CCDC18: variants seen among roughly 807,000 people sequenced by gnomAD.
The protein encoded by CCDC18 is coiled-coil domain containing 18.
CCDC18 carries 157 observed loss-of-function variants against 196.0 expected under a neutral mutation model. That is an observed-to-expected ratio of 0.80 (90% confidence interval 0.70 to 0.91). The LOEUF is 0.91. Among genes scored for constraint, CCDC18 ranks in the 40% least tolerant of loss-of-function variants. The pLI, the probability that CCDC18 is intolerant of heterozygous loss-of-function variation, is 0.00. For missense variants in CCDC18, 1,465 were observed against 1,611.6 expected (o/e 0.91, Z 1.56); for synonymous variants, 482 against 529.2 (o/e 0.91, Z 1.22).
chr1:93,205,701 A>G, intron 8 of CCDC18, 70 bp downstream of exon 8: 1 of 1,352,100 alleles, frequency 7.4e-7, no homozygotes, highest in South Asian at 1.3e-5. Flanking sequence ...TTTAAAACAC[A>G]ATATTTTATT....
At chr1:93,257,011 A>C (rs1365267782) in intron 25 of CCDC18, among the ~76,000 whole-genome samples, 1 of 152,060 alleles carries the variant, frequency 6.6e-6, no homozygotes, top group Non-Finnish European at 1.5e-5. Flanking sequence ...GCGGATAAGT[A>C]AGTCAGGAGT....
At chr1:93,197,987 G>A (rs1571379018) in intron 6 of CCDC18, among the ~76,000 whole-genome samples, 2 of 151,804 alleles carry the variant, frequency 1.3e-5, no homozygotes, top group South Asian at 2.1e-4. Flanking sequence ...TCCTGACCTC[G>A]TGATCCGCCC....
chr1:93,223,265 T>C (rs1657741360), intron 16 of CCDC18, among the ~76,000 whole-genome samples: 1 of 152,224 alleles, frequency 6.6e-6, no homozygotes, highest in Non-Finnish European at 1.5e-5. Context: ...GAATGAAGTA[T>C]GATGTTGGAT....
In CCDC18 at chr1:93,214,902, A is replaced by G. The variant is rs1482012217; in HGVS notation, c.1655A>G (p.Gln552Arg). The change falls in exon 12 of 29, where the codon CAG becomes CGG. Residue 552 changes from glutamine to arginine, a missense_variant. Transcript: ENST00000690025. ...GTTAACATGGCTCACAGAACTAGTC[A>G]GTTTCAGCTGATTCAAGAGGAGCTG... ...LKVNMAHRTS[Q>R]FQLIQEELLE... 1.2e-6 allele frequency: 2 copies of G among 1,612,846 alleles called. No individual in the cohort carries two copies. The highest frequency in any genetic ancestry group is 1.7e-6 in the Non-Finnish European group (2 of 1,179,322).
chr1:93,267,455 G>A (rs1003026665), intron 27 of CCDC18, among the ~76,000 whole-genome samples: 9 of 152,144 alleles, frequency 5.9e-5, no homozygotes, highest in Non-Finnish European at 8.8e-5. Flanking sequence ...AATCAGGCAG[G>A]AGAAAGAAAG....
At chr1:93,220,536 G>A (rs190781828) in intron 14 of CCDC18, among the ~76,000 whole-genome samples, 23 of 152,210 alleles carry the variant, frequency 1.5e-4, no homozygotes, top group African/African-American at 5.5e-4. Context: ...TTACTGATGA[G>A]GTATATTGAT....
rs774870408 is a variant in CCDC18, at chr1:93,226,481, T to C, written c.2292+32T>C. On this transcript the variant is annotated intron_variant, in intron 17 of 28. Transcript: ENST00000690025. ...TAACATTTACTTTATATATAGCATA[T>C]ATTTCAAGTGATTTTTTTTAAGAAG... 2.3e-5 allele frequency: 21 copies of C among 895,110 alleles called. No individual in the cohort carries two copies. The East Asian group carries it at 4.6e-4, about 20-fold the overall frequency. The allele number at this position is 895,110 out of a possible 1,614,324, so 55.4% of individuals were successfully genotyped here.
intron 14 of CCDC18, among the ~76,000 whole-genome samples, chr1:93,218,404 A>C (rs1201437224): frequency 6.6e-6 from 1 of 152,252 alleles, no homozygotes; most frequent in Non-Finnish European, 1.5e-5. Flanking sequence ...GAGATTAGCA[A>C]GAATTCTAAT....
chr1:93,181,772 C>A (rs1014545035), intron 1 of CCDC18, among the ~76,000 whole-genome samples: 1 of 152,004 alleles, frequency 6.6e-6, no homozygotes. Context: ...TCGCCACCAC[C>A]CCCGGCTAAT....
chr1:93,231,606 A>G, intron 17 of CCDC18, among the ~76,000 whole-genome samples: 1 of 152,174 alleles, frequency 6.6e-6, no homozygotes, highest in East Asian at 1.9e-4. Flanking sequence ...GCATATTTTT[A>G]GAATTTGGAT....
intron 17 of CCDC18, among the ~76,000 whole-genome samples, chr1:93,230,422 G>A (rs1265121875): frequency 6.6e-6 from 1 of 151,540 alleles, no homozygotes. Flanking sequence ...AACCTGGGAG[G>A]CGGAGCTTGC....
chr1:93,231,871 G>A (rs1328466535), intron 17 of CCDC18, among the ~76,000 whole-genome samples: 1 of 152,154 alleles, frequency 6.6e-6, no homozygotes, highest in Non-Finnish European at 1.5e-5. Flanking sequence ...ACATCATATA[G>A]TGCTTTTATG....
Position 93,239,236 on chromosome 1 carries a change from C to CT in CCDC18, c.2604-65dup, listed in dbSNP as rs5776176. On this transcript the variant is annotated intron_variant, in intron 19 of 28. Coordinates refer to ENST00000690025, the MANE Select transcript of CCDC18 (RefSeq NM_001378204.1). ...TATTTGTCCTTATATAACTTGCAGG[C>CT]TTTTTTTTTAGTCAGAGACAAGTTA... 1,046 of 1,131,950 alleles carry CT rather than the reference C, an allele frequency of 9.2e-4. 6 individuals carry two copies. The East Asian group carries it at 0.018, about 20-fold the overall frequency. The allele number at this position is 1,131,950 out of a possible 1,614,324, so 70.1% of individuals were successfully genotyped here. A position where few individuals can be genotyped will look rare whatever the true frequency, so the allele number is the denominator to read the frequency against.
intron 28 of CCDC18, among the ~76,000 whole-genome samples, chr1:93,277,797 C>G (rs1007669591): frequency 2.6e-5 from 4 of 151,932 alleles, no homozygotes; most frequent in African/African-American, 9.7e-5. Flanking sequence ...TTTTAATCTT[C>G]CTTTTTCATT....
chr1:93,208,944 G>C (rs192749622), intron 9 of CCDC18, among the ~76,000 whole-genome samples: 16 of 151,890 alleles, frequency 1.1e-4, no homozygotes, highest in Non-Finnish European at 1.6e-4. Flanking sequence ...GATTATGGGC[G>C]TGAGCCACCA....
intron 9 of CCDC18, among the ~76,000 whole-genome samples, chr1:93,209,438 A>T (rs1441979854): frequency 6.6e-6 from 1 of 152,228 alleles, no homozygotes; most frequent in Non-Finnish European, 1.5e-5. Flanking sequence ...TTGGTTTCAG[A>T]TATGAATGTA....
At chr1:93,266,665 C>A (rs1367421124) in intron 27 of CCDC18, among the ~76,000 whole-genome samples, 4 of 152,128 alleles carry the variant, frequency 2.6e-5, no homozygotes, top group Non-Finnish European at 5.9e-5. Context: ...ACTATAAACA[C>A]CTCTACACAA....
intron 27 of CCDC18, among the ~76,000 whole-genome samples, chr1:93,267,076 C>T (rs533547017): frequency 1.1e-4 from 16 of 152,316 alleles, no homozygotes; most frequent in Non-Finnish European, 2.1e-4. Context: ...TCCAGCAGCA[C>T]ATCAAAAAGC....
chr1:93,241,710 T>G, intron 21 of CCDC18, among the ~76,000 whole-genome samples: 1 of 110,932 alleles, frequency 9.0e-6, no homozygotes, highest in Admixed American at 1.3e-4. Flanking sequence ...AGTGACAGAG[T>G]GAGACTCCAT....
Sources: gnomAD v4.1 joint callset for allele counts (sites outside exome capture counted in the v4.1 genomes callset) on GRCh38, gnomAD v4.1.1 for gene constraint, MANE v1.5 for transcripts, NCBI Gene and HGNC (gene_info 2026-07-23, HGNC 2026-07-21) for gene names.